RASAL2: variants seen among roughly 807,000 people sequenced by gnomAD.
RASAL2 encodes ras GTPase-activating protein nGAP.
RASAL2 carries 58 observed loss-of-function variants against 128.9 expected under a neutral mutation model. That is an observed-to-expected ratio of 0.45 (90% confidence interval 0.36 to 0.56). The LOEUF (loss-of-function observed/expected upper bound fraction) is 0.56. Ranked by LOEUF, RASAL2 falls within the 20% of genes least tolerant of loss-of-function variation. The pLI is 0.00. For synonymous variants in RASAL2, 561 were observed against 580.8 expected, an observed-to-expected ratio of 0.97 and a Z score of 0.49; for missense variants, 1,360 against 1,601.6, an observed-to-expected ratio of 0.85 and a Z score of 2.57.
intron 3 of RASAL2, among the ~76,000 whole-genome samples, chr1:178,358,572 G>A (rs960323865): frequency 2.0e-5 from 3 of 152,016 alleles, no homozygotes; most frequent in East Asian, 1.9e-4. Flanking sequence ...AAAAATGTTC[G>A]GTATTACTGG....
In RASAL2 at chr1:178,313,500, T is replaced by C. The variant is rs188424939; in HGVS notation, c.457+13382T>C. On this transcript the variant is annotated intron_variant, in intron 3 of 17. Coordinates refer to ENST00000367649, the MANE Select transcript of RASAL2 (RefSeq NM_170692.4). ...TAAACTGTGTGCACATTTTTTTTTT[T>C]TCTGTTTTGAGACAGGGTCTCACTC... Among the ~76,000 whole-genome samples, 13 of 152,090 alleles carry C rather than the reference T, an allele frequency of 8.5e-5. No homozygotes were observed. In the East Asian group the frequency reaches 2.5e-3, roughly 29 times the overall value.
chr1:178,413,034 C>G (rs937483668), intron 4 of RASAL2, among the ~76,000 whole-genome samples: 1 of 150,172 alleles, frequency 6.7e-6, no homozygotes, highest in Non-Finnish European at 1.5e-5. Context: ...TCCTTCCTTC[C>G]TTCCTTCCGT....
chr1:178,305,573 C>G (rs1271446356), intron 3 of RASAL2, among the ~76,000 whole-genome samples: 1 of 152,114 alleles, frequency 6.6e-6, no homozygotes, highest in Non-Finnish European at 1.5e-5. Context: ...TTGGCTAGAA[C>G]AGCTACAGGA....
chr1:178,212,560 C>T (rs914608501), intron 1 of RASAL2, among the ~76,000 whole-genome samples: 3 of 152,084 alleles, frequency 2.0e-5, no homozygotes, highest in Admixed American at 6.5e-5. Flanking sequence ...GGCATGATCT[C>T]GGCTCACTGC....
intron 4 of RASAL2, chr1:178,411,869 G>T: frequency 1.4e-6 from 1 of 731,910 alleles, no homozygotes. Flanking sequence ...GGAGGAAATA[G>T]GACCAAGACC....
intron 5 of RASAL2, among the ~76,000 whole-genome samples, chr1:178,431,057 C>G (rs1176513841): frequency 6.6e-6 from 1 of 151,842 alleles, no homozygotes; most frequent in Non-Finnish European, 1.5e-5. Flanking sequence ...CTCTTTTCAT[C>G]TCTCCTCCTC....
chr1:178,368,525 AAT>A (rs1275601373), intron 3 of RASAL2, among the ~76,000 whole-genome samples: 3 of 152,232 alleles, frequency 2.0e-5, no homozygotes, highest in Non-Finnish European at 4.4e-5. Flanking sequence ...GTAAATAATG[AAT>A]AAAGTTAATT....
In RASAL2 at chr1:178,325,389, G is replaced by T. The variant is rs11803075; in HGVS notation, c.457+25271G>T. Among the ~76,000 whole-genome samples, 844 of 152,108 alleles carry T rather than the reference G, an allele frequency of 5.5e-3. 11 individuals are homozygous for T. The highest frequency in any genetic ancestry group is 0.019 in the African/African-American group (790 of 41,518). On this transcript the variant is annotated intron_variant, in intron 3 of 17. Transcript: ENST00000367649. ...GGTTTTTTCCCTCCCACTTTAATCA[G>T]AGTAGTGCCACCGAAGAGTCAAAAA...
rs543747855 is a variant in RASAL2 at position 178,115,773 on chromosome 1, G to A, written c.202+21079G>A. ...GAGAGATCAGCCAGAAGGCTGCTTT[G>A]TAGACTGGGTAAAACATGGTGATAA... On this transcript the variant is annotated intron_variant, in intron 1 of 17. Transcript: ENST00000367649. Among the ~76,000 whole-genome samples the A allele has an allele frequency of 2.0e-5, 3 of 152,332 alleles. No individual in the cohort carries two copies. The South Asian group carries it at 6.2e-4, about 32-fold the overall frequency.
intron 9 of RASAL2, among the ~76,000 whole-genome samples, chr1:178,447,844 C>T (rs184639735): frequency 1.3e-4 from 20 of 151,864 alleles, no homozygotes; most frequent in Admixed American, 4.6e-4. Context: ...AAGGAGGGAA[C>T]GAATATTACA....
At chr1:178,113,507 T>C (rs10798596) in intron 1 of RASAL2, among the ~76,000 whole-genome samples, 33,676 of 139,924 alleles carry the variant, frequency 0.24, 4,404 homozygotes, top group African/African-American at 0.37. Context: ...CATGCATGCC[T>C]GCGAGTGTGT....
chr1:178,380,759 C>A (rs186894299), intron 3 of RASAL2, among the ~76,000 whole-genome samples: 4 of 152,108 alleles, frequency 2.6e-5, no homozygotes, highest in Admixed American at 6.5e-5. Flanking sequence ...AGAATTCTAC[C>A]GGTTAAAATT....
chr1:178,162,200 C>T (rs909574563), intron 1 of RASAL2, among the ~76,000 whole-genome samples: 1 of 147,018 alleles, frequency 6.8e-6, no homozygotes, highest in South Asian at 2.1e-4. Context: ...CTCCTGATCT[C>T]GTGATCTGCC....
intron 1 of RASAL2, among the ~76,000 whole-genome samples, chr1:178,228,131 ATC>A (rs747338875): frequency 6.6e-6 from 1 of 152,194 alleles, no homozygotes; most frequent in Non-Finnish European, 1.5e-5. Flanking sequence ...GCCGTGACAG[ATC>A]TGAGTCTTCA....
intron 1 of RASAL2, among the ~76,000 whole-genome samples, chr1:178,206,914 C>T (rs764103090): frequency 6.6e-6 from 1 of 152,044 alleles, no homozygotes; most frequent in Admixed American, 6.6e-5. Flanking sequence ...GTGGCTTACT[C>T]CTGTAGTCCT....
intron 4 of RASAL2, among the ~76,000 whole-genome samples, chr1:178,405,934 T>G (rs981130482): frequency 6.6e-6 from 1 of 152,220 alleles, no homozygotes; most frequent in Non-Finnish European, 1.5e-5. Flanking sequence ...AGGAAAACTC[T>G]GTACTATTTT....
At chr1:178,283,509 G>T in intron 1 of RASAL2, 55 bp from the exon 2 acceptor site, 1 of 1,571,094 alleles carries the variant, frequency 6.4e-7, no homozygotes, top group South Asian at 1.2e-5. Context: ...TGAAATACTG[G>T]TTTACTAAGC....
intron 4 of RASAL2, among the ~76,000 whole-genome samples, chr1:178,419,283 T>C (rs977784048): frequency 1.3e-5 from 2 of 152,112 alleles, no homozygotes; most frequent in Non-Finnish European, 2.9e-5. Flanking sequence ...ATTTTATTTA[T>C]TTGTTTTTGG....
At chr1:178,413,148 TG>T (rs1557969656) in intron 4 of RASAL2, among the ~76,000 whole-genome samples, 3 of 152,128 alleles carry the variant, frequency 2.0e-5, no homozygotes, top group African/African-American at 7.2e-5. Context: ...TTTGTAGAGA[TG>T]GGGTTTTGCC....
Sources: gnomAD v4.1 joint callset for allele counts (sites outside exome capture counted in the v4.1 genomes callset) on GRCh38, gnomAD v4.1.1 for gene constraint, MANE v1.5 for transcripts, NCBI Gene and HGNC (gene_info 2026-07-23, HGNC 2026-07-21) for gene names.